Variants in NEBL observed in about 807,000 individuals in gnomAD.
NEBL encodes LIM and SH3 protein 2.
In NEBL, 122 loss-of-function variants were observed where a neutral mutation model predicts 140.2. That is an observed-to-expected ratio of 0.87 (90% confidence interval 0.75 to 1.01). The LOEUF (loss-of-function observed/expected upper bound fraction) is 1.01, where lower values mean the gene tolerates loss of function less well. NEBL is among the 50% of genes least tolerant of loss of function. The pLI is 0.00. For missense variants in NEBL, 1,365 were observed against 1,231.3 expected, an observed-to-expected ratio of 1.11 and a Z score of -1.62; for synonymous variants, 436 against 398.9, an observed-to-expected ratio of 1.09 and a Z score of -1.11.
intron 4 of NEBL, among the ~76,000 whole-genome samples, chr10:20,953,305 G>A (rs1281777229): frequency 6.6e-6 from 1 of 152,086 alleles, no homozygotes; most frequent in Non-Finnish European, 1.5e-5. Flanking sequence ...CTCTCCACAT[G>A]CACACACCAA....
intron 11 of NEBL, among the ~76,000 whole-genome samples, chr10:20,848,979 T>G (rs1232974912): frequency 1.3e-5 from 2 of 152,166 alleles, no homozygotes; most frequent in East Asian, 1.9e-4. Context: ...TCCTGAGAGT[T>G]TTTTTGTCTA....
chr10:21,151,651 C>T (rs7074795), intron 2 of NEBL, among the ~76,000 whole-genome samples: 6,041 of 152,234 alleles, frequency 0.04, 241 homozygotes, highest in East Asian at 0.2. Context: ...CCACCGTCCC[C>T]AGGCCCCTTC....
chr10:20,926,417 T>A (rs1833916366), intron 4 of NEBL, among the ~76,000 whole-genome samples: 3 of 152,200 alleles, frequency 2.0e-5, no homozygotes, highest in African/African-American at 7.2e-5. Flanking sequence ...TCTTTTATGA[T>A]CTCATTTTTC....
intron 2 of NEBL, among the ~76,000 whole-genome samples, chr10:21,108,306 T>C (rs982065132): frequency 6.6e-6 from 1 of 152,200 alleles, no homozygotes; most frequent in Non-Finnish European, 1.5e-5. Context: ...TTTAGTGCTA[T>C]AAATTTCCCT....
intron 2 of NEBL, among the ~76,000 whole-genome samples, chr10:21,088,264 G>T (rs1189320850): frequency 6.6e-6 from 1 of 152,214 alleles, no homozygotes; most frequent in Non-Finnish European, 1.5e-5. Context: ...ACTTTGGGAG[G>T]CTGAGACAGG....
intron 26 of NEBL, among the ~76,000 whole-genome samples, chr10:20,795,675 C>T (rs907359805): frequency 2.0e-5 from 3 of 152,066 alleles, no homozygotes; most frequent in African/African-American, 7.2e-5. Flanking sequence ...AATTTCAAGC[C>T]TATGTTCAAT....
Position 21,111,247 on chromosome 10 carries a change from A to G in NEBL, c.164+61136T>C, listed in dbSNP as rs542032173. Among the ~76,000 whole-genome samples the G allele has an allele frequency of 3.7e-4, 57 of 152,278 alleles. 1 individual carries two copies. Among genetic ancestry groups the G allele is most frequent in the Admixed American group, 1.5e-3 (23 of 15,288 alleles). On this transcript the variant is annotated intron_variant, in intron 2 of 6. Transcript: ENST00000417816. ...TCACAGAATTGGAAAAAACTACTTT[A>G]AAGTTCATATGGAACCAAAAAAGAG...
At chr10:20,795,524 T>C (rs115976061) in intron 26 of NEBL, among the ~76,000 whole-genome samples, 2 of 151,928 alleles carry the variant, frequency 1.3e-5, no homozygotes, top group African/African-American at 4.8e-5. Flanking sequence ...TTTTAGCATC[T>C]GACAAGTCTC....
intron 2 of NEBL, among the ~76,000 whole-genome samples, chr10:21,043,954 G>A (rs1834382842): frequency 6.6e-6 from 1 of 152,126 alleles, no homozygotes. Context: ...GATCCACAGT[G>A]TGCATATGGC....
chr10:20,921,443 G>A (rs1210314340), intron 4 of NEBL, among the ~76,000 whole-genome samples: 1 of 152,172 alleles, frequency 6.6e-6, no homozygotes, highest in Non-Finnish European at 1.5e-5. Flanking sequence ...GACAGGATAA[G>A]AGGGAGGTAG....
At chr10:20,803,231 T>C (rs945659926) in intron 26 of NEBL, among the ~76,000 whole-genome samples, 4 of 152,218 alleles carry the variant, frequency 2.6e-5, no homozygotes, top group African/African-American at 9.6e-5. Context: ...GAATATATTA[T>C]ACAGTTTCAA....
chr10:21,180,464 T>A (rs1841369560), intron 3 of NEBL, among the ~76,000 whole-genome samples: 1 of 152,212 alleles, frequency 6.6e-6, no homozygotes, highest in African/African-American at 2.4e-5. Flanking sequence ...CTCCGCCCCA[T>A]CGAAATGAAA....
chr10:21,125,935 C>A lies in NEBL; in HGVS notation c.164+46448G>T, dbSNP rs774865184. ...TATACCTTCTGGTCCCAGAGACAGC[C>A]TTGGGGACTTGGCCCAGTTGCCTGG... On this transcript the variant is annotated intron_variant, in intron 2 of 6. Transcript: ENST00000417816. 18 of 1,614,224 alleles carry A rather than the reference C, an allele frequency of 1.1e-5. No homozygotes were observed. The South Asian group carries it at 1.6e-4, about 15-fold the overall frequency.
At chr10:21,073,582 A>C (rs1430735747) in intron 2 of NEBL, among the ~76,000 whole-genome samples, 1 of 141,274 alleles carries the variant, frequency 7.1e-6, no homozygotes, top group Non-Finnish European at 1.5e-5. Flanking sequence ...GCACCAGTAC[A>C]CTCTAGCCTG....
At position 21,272,843 on chromosome 10, in the gene NEBL, A is replaced by G. The variant is rs569066941; in HGVS notation, n.182+19987T>C. On this transcript the variant is annotated intron_variant and non_coding_transcript_variant, in intron 1 of 8. Coordinates refer to the NEBL transcript ENST00000675702. ...CTCCTCCCTGGACAGTTGAGCGTGC[A>G]TTTTTTGCTTTATTGATATTATGTC... 5.3e-5 allele frequency among the ~76,000 whole-genome samples: 8 copies of G among 152,126 alleles called. No individual in the cohort carries two copies. The East Asian group carries it at 1.4e-3, about 26-fold the overall frequency.
intron 3 of NEBL, among the ~76,000 whole-genome samples, chr10:20,988,035 T>C (rs941380120): frequency 2.0e-5 from 3 of 152,234 alleles, no homozygotes; most frequent in Admixed American, 1.3e-4. Flanking sequence ...AATTGATATA[T>C]GGTTCAATGT....
rs761643122 is a variant in NEBL, at chr10:20,780,683, T to C, written c.*5064A>G. 1 of 152,180 alleles carries C rather than the reference T, an allele frequency of 6.6e-6. No homozygotes were observed. Among genetic ancestry groups the C allele is most frequent in the Non-Finnish European group, 1.5e-5 (1 of 68,026 alleles). 9.4% of individuals were successfully genotyped at this position (152,180 alleles called of 1,614,324 possible). A position where few individuals can be genotyped will look rare whatever the true frequency, so the allele number is the denominator to read the frequency against. Reference sequence around the variant, plus strand: ...TTTAAGCAAACCAAATGTGTAGAGATAGGAAATTAATGTGTTATAATGTTT... The same window carrying C: ...TTTAAGCAAACCAAATGTGTAGAGACAGGAAATTAATGTGTTATAATGTTT... On this transcript the variant is annotated 3_prime_UTR_variant, in exon 28 of 28. Coordinates refer to ENST00000377122, the MANE Select transcript of NEBL (RefSeq NM_006393.3).
intron 4 of NEBL, among the ~76,000 whole-genome samples, chr10:20,882,737 C>T (rs541494653): frequency 6.7e-6 from 1 of 148,354 alleles, no homozygotes; most frequent in South Asian, 2.1e-4. Flanking sequence ...ATCTTGTCAT[C>T]CAAAAAAAAA....
intron 2 of NEBL, among the ~76,000 whole-genome samples, chr10:21,104,430 G>C (rs1156591283): frequency 6.6e-6 from 1 of 152,130 alleles, no homozygotes; most frequent in Non-Finnish European, 1.5e-5. Flanking sequence ...GTAGTTTCCA[G>C]TGTAGAAGTT....
Sources: allele counts gnomAD v4.1 joint callset (sites outside exome capture counted in the v4.1 genomes callset), GRCh38; gene constraint gnomAD v4.1.1; transcripts MANE v1.5; gene names NCBI Gene and HGNC (gene_info 2026-07-23, HGNC 2026-07-21).